KDM2A: variants seen among roughly 807,000 people sequenced by gnomAD.
KDM2A encodes lysine-specific demethylase 2A.
KDM2A carries 3 observed loss-of-function variants against 137.3 expected under a neutral mutation model. The observed-to-expected ratio is 0.02, with a 90% CI of 0.01 to 0.06. KDM2A has a LOEUF of 0.06. Among genes scored for constraint, KDM2A ranks in the 10% least tolerant of loss-of-function variants. The probability of loss-of-function intolerance (pLI) is 1.00; values close to 1 mark genes in which losing one functional copy is unlikely to be tolerated. For synonymous variants in KDM2A, 512 were observed against 541.5 expected (o/e 0.95, Z 0.76); for missense variants, 738 against 1,510.6 (o/e 0.49, Z 8.48).
intron 2 of KDM2A, among the ~76,000 whole-genome samples, chr11:67,140,460 G>A (rs925756888): frequency 3.3e-5 from 5 of 151,892 alleles, no homozygotes; most frequent in Non-Finnish European, 7.4e-5. Context: ...CTTAAAAGAA[G>A]TTACAAGTAG....
At chr11:67,221,460 G>A (rs1056170597) in intron 10 of KDM2A, among the ~76,000 whole-genome samples, 6 of 152,078 alleles carry the variant, frequency 3.9e-5, no homozygotes, top group African/African-American at 1.4e-4. Flanking sequence ...ATATATTATA[G>A]GAATGGTCAC....
intron 12 of KDM2A, 107 bp downstream of exon 12, chr11:67,232,067 CAGAG>C: frequency 9.1e-7 from 1 of 1,102,370 alleles, no homozygotes; most frequent in Non-Finnish European, 1.3e-6. Context: ...CTGGTTCAGT[CAGAG>C]AGAAGTTAAT....
At position 67,256,897 on chromosome 11, in the gene KDM2A, C is replaced by T. The variant is rs1859633380; in HGVS notation, c.*1842C>T. The T allele has an allele frequency of 6.6e-6, 1 of 152,656 alleles. No homozygotes were observed. Among genetic ancestry groups the T allele is most frequent in the African/African-American group, 2.4e-5 (1 of 41,440 alleles). The allele number at this position is 152,656 out of a possible 1,614,324, so 9.5% of individuals were successfully genotyped here. On this transcript the variant is annotated 3_prime_UTR_variant, in exon 21 of 21. Coordinates refer to ENST00000529006, the MANE Select transcript of KDM2A (RefSeq NM_012308.3). ...ACCCTCTGCCCACTTCCATTGGTCT[C>T]CAGGCCCCAATAATCTGGGGTTGAA...
At chr11:67,153,489 A>G (rs537090387) in intron 2 of KDM2A, among the ~76,000 whole-genome samples, 1 of 152,148 alleles carries the variant, frequency 6.6e-6, no homozygotes, top group Non-Finnish European at 1.5e-5. Context: ...CATGCAATAC[A>G]TTTTCCCCAA....
intron 10 of KDM2A, among the ~76,000 whole-genome samples, chr11:67,222,904 A>C (rs1855412334): frequency 6.6e-6 from 1 of 151,522 alleles, no homozygotes; most frequent in South Asian, 2.1e-4. Flanking sequence ...AGGGGGAAAA[A>C]AAAAAAAGGC....
intron 2 of KDM2A, among the ~76,000 whole-genome samples, chr11:67,138,078 G>C (rs983905984): frequency 3.3e-5 from 5 of 152,102 alleles, no homozygotes; most frequent in Non-Finnish European, 7.4e-5. Flanking sequence ...TTACAGGCGT[G>C]AACCACCGCG....
chr11:67,255,045 A>T lies in KDM2A; in HGVS notation c.3479A>T (p.Lys1160Met). Residue 1160 changes from lysine to methionine, a missense_variant, in exon 21 of 21, where the codon AAG becomes ATG. Lys to Met is a moderately conservative substitution (Grantham distance 95, BLOSUM62 -1). This residue lies in a region of KDM2A where 166 missense variants were observed against 324.0 expected (regional missense o/e 0.51). Transcript: ENST00000529006. Reference protein sequence around the residue: ...YCLSDEKLIQKIS With the variant: ...YCLSDEKLIQMIS Reference sequence around the variant, plus strand: ...CTGTCTGACGAGAAGCTGATACAGAAGATCAGCTAAGACACACCCAGCCCA... The same window carrying T: ...CTGTCTGACGAGAAGCTGATACAGATGATCAGCTAAGACACACCCAGCCCA... The T allele has an allele frequency of 6.2e-7, 1 of 1,609,450 alleles. No homozygotes were observed. The highest frequency in any genetic ancestry group is 8.5e-7 in the Non-Finnish European group (1 of 1,177,866).
chr11:67,224,182 G>A (rs189166602), intron 10 of KDM2A, among the ~76,000 whole-genome samples: 30 of 152,292 alleles, frequency 2.0e-4, no homozygotes, highest in Admixed American at 1.3e-3. Context: ...AACACTACCC[G>A]ATATAGAGTT....
chr11:67,215,000 T>G (rs1858116032), intron 6 of KDM2A, among the ~76,000 whole-genome samples: 1 of 152,150 alleles, frequency 6.6e-6, no homozygotes, highest in African/African-American at 2.4e-5. Flanking sequence ...AGACAACACC[T>G]TTTATTGGAT....
chr11:67,205,534 T>C (rs1857776614), intron 5 of KDM2A, among the ~76,000 whole-genome samples: 1 of 152,142 alleles, frequency 6.6e-6, no homozygotes, highest in South Asian at 2.1e-4. Context: ...CTCAGGTGAT[T>C]CTCACACCTC....
At chr11:67,191,693 A>C (rs1480082461) in intron 5 of KDM2A, among the ~76,000 whole-genome samples, 2 of 152,250 alleles carry the variant, frequency 1.3e-5, no homozygotes, top group Non-Finnish European at 2.9e-5. Context: ...AACTACCTTA[A>C]CATAATAAAA....
intron 2 of KDM2A, among the ~76,000 whole-genome samples, chr11:67,161,965 A>C (rs1202206340): frequency 6.6e-6 from 1 of 152,098 alleles, no homozygotes; most frequent in Non-Finnish European, 1.5e-5. Context: ...CTCAGTTTTC[A>C]GTATTTATAT....
At position 67,255,997 on chromosome 11, in the gene KDM2A, C is replaced by G. The variant is rs1186462997; in HGVS notation, c.*942C>G. ...GAGGCGGCAGAGGACTGGGCCAAGC[C>G]CCAACCTGCCTCCCAGCCAGGCTCC... On this transcript the variant is annotated 3_prime_UTR_variant, in exon 21 of 21. Transcript: ENST00000529006. 1 of 176,078 alleles carries G rather than the reference C, an allele frequency of 5.7e-6. No homozygotes were observed. The highest frequency in any genetic ancestry group is 2.4e-5 in the African/African-American group (1 of 41,808). 10.9% of individuals were successfully genotyped at this position (176,078 alleles called of 1,614,324 possible). A position where few individuals can be genotyped will look rare whatever the true frequency, so the allele number is the denominator to read the frequency against.
rs34189357 is a variant in KDM2A, at chr11:67,157,746, C to CAA, written c.43-22316_43-22315dup. 1.3e-3 allele frequency among the ~76,000 whole-genome samples: 104 copies of CAA among 78,044 alleles called. 1 individual carries two copies. Among genetic ancestry groups the CAA allele is most frequent in the East Asian group, 2.4e-3 (7 of 2,866 alleles). 51.2% of individuals were successfully genotyped at this position (78,044 alleles called of 152,430 possible). On this transcript the variant is annotated intron_variant, in intron 2 of 20. Transcript: ENST00000529006. ...GGCGACAAAAGCAAGACTCCGTCTC[C>CAA]AAAAAAAAAAAAAAAAAACTTGCAT...
intron 2 of KDM2A, among the ~76,000 whole-genome samples, chr11:67,151,603 C>T (rs923522260): frequency 3.3e-5 from 5 of 151,990 alleles, no homozygotes; most frequent in Admixed American, 6.6e-5. Context: ...TGCCCACCTC[C>T]ACCTCCCAAA....
chr11:67,179,191 A>C lies in KDM2A; in HGVS notation c.43-888A>C, dbSNP rs1857033398. Among the ~76,000 whole-genome samples the C allele has an allele frequency of 1.3e-5, 2 of 152,210 alleles. 1 individual carries two copies. Among genetic ancestry groups the C allele is most frequent in the South Asian group, 4.1e-4 (2 of 4,832 alleles). ...TTTCATGTGCTTATTGTACATTTGTATATCTTCTTTGGAAAGACATGTTAT... is the reference window on the plus strand; with the variant it reads ...TTTCATGTGCTTATTGTACATTTGTCTATCTTCTTTGGAAAGACATGTTAT... On this transcript the variant is annotated intron_variant, in intron 2 of 20. Transcript: ENST00000529006.
At chr11:67,140,694 A>C (rs900848105) in intron 2 of KDM2A, among the ~76,000 whole-genome samples, 10 of 152,138 alleles carry the variant, frequency 6.6e-5, no homozygotes, top group Non-Finnish European at 4.4e-5. Context: ...CGGAGGTTGC[A>C]GTGAGCCAAG....
intron 6 of KDM2A, 31 bp from the exon 7 acceptor site, chr11:67,215,309 G>A: frequency 6.9e-7 from 1 of 1,453,826 alleles, no homozygotes; most frequent in Middle Eastern, 1.8e-4. Context: ...CTTTCCCTTG[G>A]AGCCCAAGTG....
At chr11:67,146,854 T>C (rs1213721955) in intron 2 of KDM2A, among the ~76,000 whole-genome samples, 1 of 152,130 alleles carries the variant, frequency 6.6e-6, no homozygotes, top group Non-Finnish European at 1.5e-5. Context: ...CTCCCTCACT[T>C]TCGTGGATTT....
Sources: gnomAD v4.1 joint callset for allele counts (sites outside exome capture counted in the v4.1 genomes callset) on GRCh38, gnomAD v4.1.1 for gene constraint, gnomAD v4.1.1 regional missense constraint, MANE v1.5 for transcripts, NCBI Gene and HGNC (gene_info 2026-07-23, HGNC 2026-07-21) for gene names.